ANTXR1: variants seen among roughly 807,000 people sequenced by gnomAD.
ANTXR1 encodes anthrax toxin receptor 1.
In ANTXR1, 19 loss-of-function variants were observed where a neutral mutation model predicts 78.1. That is an observed-to-expected ratio of 0.24 (90% CI 0.17 to 0.36). The LOEUF is 0.36. ANTXR1 is among the 10% of genes least tolerant of loss of function. ANTXR1 has a pLI of 1.00. For synonymous variants in ANTXR1, 273 were observed against 260.5 expected (o/e 1.05, Z -0.46); for missense variants, 518 against 718.6 (o/e 0.72, Z 3.19).
intron 14 of ANTXR1, among the ~76,000 whole-genome samples, chr2:69,178,492 C>T (rs911171153): frequency 2.6e-5 from 4 of 152,096 alleles, no homozygotes; most frequent in Admixed American, 2.0e-4. Context: ...ACGAGGGCGG[C>T]GCCTCCTTCC....
chr2:69,185,381 A>T (rs1201434767), intron 16 of ANTXR1, among the ~76,000 whole-genome samples: 1 of 151,980 alleles, frequency 6.6e-6, no homozygotes, highest in African/African-American at 2.4e-5. Context: ...CTCTACTAAA[A>T]ATACAAAAAT....
At chr2:69,114,953 C>T (rs1046454311) in intron 10 of ANTXR1, among the ~76,000 whole-genome samples, 1 of 152,178 alleles carries the variant, frequency 6.6e-6, no homozygotes, top group African/African-American at 2.4e-5. Context: ...ATCTGTAGGC[C>T]CCTCTACATT....
intron 3 of ANTXR1, among the ~76,000 whole-genome samples, chr2:69,046,344 A>T (rs1283866887): frequency 6.6e-6 from 1 of 152,152 alleles, no homozygotes; most frequent in African/African-American, 2.4e-5. Flanking sequence ...ACACTATCAG[A>T]ATGCCAAGTC....
intron 17 of ANTXR1, among the ~76,000 whole-genome samples, chr2:69,216,234 AT>A (rs1206709840): frequency 6.6e-6 from 1 of 152,222 alleles, no homozygotes; most frequent in Non-Finnish European, 1.5e-5. Context: ...GCTTCCAAAC[AT>A]TTTTGAGCCA....
At chr2:69,204,506 C>G (rs1674849507) in intron 17 of ANTXR1, among the ~76,000 whole-genome samples, 1 of 152,184 alleles carries the variant, frequency 6.6e-6, no homozygotes, top group Admixed American at 6.5e-5. Context: ...ATTATCTTAT[C>G]TGTTCCCCAT....
chr2:69,244,920 C>G (rs1028972213), intron 17 of ANTXR1, among the ~76,000 whole-genome samples: 1 of 152,138 alleles, frequency 6.6e-6, no homozygotes, highest in Admixed American at 6.5e-5. Context: ...GTTAGCAGGG[C>G]TGTTGAGGAG....
At chr2:69,110,268 C>T (rs1353856454) in intron 10 of ANTXR1, among the ~76,000 whole-genome samples, 3 of 152,088 alleles carry the variant, frequency 2.0e-5, no homozygotes, top group African/African-American at 7.2e-5. Flanking sequence ...CCCAGAATTT[C>T]AATTTCAGCT....
intron 12 of ANTXR1, among the ~76,000 whole-genome samples, chr2:69,132,862 A>G (rs1448472399): frequency 6.6e-6 from 1 of 152,252 alleles, no homozygotes; most frequent in Non-Finnish European, 1.5e-5. Flanking sequence ...AAGAATAGCC[A>G]GTCCTTGCCC....
intron 15 of ANTXR1, chr2:69,182,098 G>A: frequency 1.7e-6 from 1 of 587,422 alleles, no homozygotes; most frequent in Non-Finnish European, 3.1e-6. Flanking sequence ...GACGGATGGA[G>A]AGATAGGAGG....
Position 69,122,959 on chromosome 2 carries a change from G to C in ANTXR1, c.803-58G>C, listed in dbSNP as rs376514366. On this transcript the variant is annotated intron_variant, in intron 10 of 17. Coordinates refer to ENST00000303714, the MANE Select transcript of ANTXR1 (RefSeq NM_032208.3). ...TGGTTGATGTTCTCTAGAAGTCATT[G>C]AATTTGAAATTATAAACTCACCTCC... 93 of 1,567,572 alleles carry C rather than the reference G, an allele frequency of 5.9e-5. 1 individual carries two copies. The East Asian group carries it at 1.5e-3, about 25-fold the overall frequency.
chr2:69,043,209 C>A (rs4335981), intron 2 of ANTXR1, among the ~76,000 whole-genome samples: 1 of 152,102 alleles, frequency 6.6e-6, no homozygotes, highest in Non-Finnish European at 1.5e-5. Flanking sequence ...GTCTGCCACT[C>A]CCCCACTGTG....
chr2:69,052,786 TA>T (rs1669962374), intron 3 of ANTXR1, among the ~76,000 whole-genome samples: 1 of 152,174 alleles, frequency 6.6e-6, no homozygotes, highest in Admixed American at 6.5e-5. Flanking sequence ...ATCTTTCTAT[TA>T]TTTTTTTGAC....
At chr2:69,034,616 G>C (rs1171671217) in intron 1 of ANTXR1, among the ~76,000 whole-genome samples, 1 of 152,180 alleles carries the variant, frequency 6.6e-6, no homozygotes. Flanking sequence ...ACGTGGCACT[G>C]CAACTCTCTG....
intron 14 of ANTXR1, among the ~76,000 whole-genome samples, chr2:69,173,909 C>T (rs1301783856): frequency 6.6e-6 from 1 of 152,222 alleles, no homozygotes; most frequent in Non-Finnish European, 1.5e-5. Context: ...TCTGGAAACA[C>T]CTGCCATTTT....
intron 10 of ANTXR1, among the ~76,000 whole-genome samples, chr2:69,121,533 C>G (rs1672346046): frequency 6.6e-6 from 1 of 152,220 alleles, no homozygotes; most frequent in Non-Finnish European, 1.5e-5. Context: ...TCCTCTATCT[C>G]CCATCCCAGG....
chr2:69,081,186 G>C (rs1232666401), intron 8 of ANTXR1, among the ~76,000 whole-genome samples: 1 of 152,228 alleles, frequency 6.6e-6, no homozygotes, highest in Non-Finnish European at 1.5e-5. Context: ...AAGAAGGTTG[G>C]AGAAACTGCC....
chr2:69,039,875 A>G (rs1276165720), intron 1 of ANTXR1, among the ~76,000 whole-genome samples, 169 bp from the exon 2 acceptor site: 1 of 152,224 alleles, frequency 6.6e-6, no homozygotes, highest in Non-Finnish European at 1.5e-5. Flanking sequence ...GAACCCTAAC[A>G]GAAAGTTGAA....
intron 1 of ANTXR1, among the ~76,000 whole-genome samples, chr2:69,028,661 T>C (rs1317944586): frequency 6.6e-6 from 1 of 152,222 alleles, no homozygotes; most frequent in Non-Finnish European, 1.5e-5. Context: ...GAATCAATTT[T>C]AGCAAATATA....
At chr2:69,068,469 A>G (rs571718603) in intron 3 of ANTXR1, among the ~76,000 whole-genome samples, 2 of 152,294 alleles carry the variant, frequency 1.3e-5, no homozygotes, top group South Asian at 4.1e-4. Flanking sequence ...CCCCATGAAG[A>G]GCTGGTCAAA....
Sources: allele counts gnomAD v4.1 joint callset (sites outside exome capture counted in the v4.1 genomes callset), GRCh38; gene constraint gnomAD v4.1.1; transcripts MANE v1.5; gene names NCBI Gene and HGNC (gene_info 2026-07-23, HGNC 2026-07-21).